WAPL: variants seen among roughly 807,000 people sequenced by gnomAD.
The protein encoded by WAPL is WAPL cohesin release factor.
In WAPL, 5 loss-of-function variants were observed where a neutral mutation model predicts 121.0. That is an observed-to-expected ratio of 0.04 (90% CI 0.02 to 0.09). WAPL has a LOEUF of 0.09. WAPL is among the 10% of genes least tolerant of loss of function. The pLI is 1.00. For synonymous variants in WAPL, 480 were observed against 481.5 expected (o/e 1.00, Z 0.04); for missense variants, 999 against 1,410.8 (o/e 0.71, Z 4.68).
rs555390291 is a variant in WAPL, at chr10:86,519,990, T to C, written c.-23+1375A>G. 3.3e-5 allele frequency among the ~76,000 whole-genome samples: 5 copies of C among 152,330 alleles called. No individual in the cohort carries two copies. The East Asian group carries it at 9.6e-4, about 29-fold the overall frequency. On this transcript the variant is annotated intron_variant, in intron 1 of 18. Transcript: ENST00000298767. ...TGACACTAAGGACTTAATTATTTTA[T>C]GTGATAAAAAATAATTTTGTGCTGG...
chr10:86,521,154 A>G (rs892732165), intron 1 of WAPL, among the ~76,000 whole-genome samples: 1 of 152,264 alleles, frequency 6.6e-6, no homozygotes, highest in African/African-American at 2.4e-5. Context: ...GGGTTTGGGG[A>G]GCTAAGTCAA....
At chr10:86,519,493 T>A (rs555632394) in intron 1 of WAPL, among the ~76,000 whole-genome samples, 1 of 151,068 alleles carries the variant, frequency 6.6e-6, no homozygotes, top group Non-Finnish European at 1.5e-5. Context: ...AATTCAGTAG[T>A]AGACCCCCCC....
intron 2 of WAPL, among the ~76,000 whole-genome samples, chr10:86,516,173 G>A (rs1373928985): frequency 6.6e-6 from 1 of 152,054 alleles, no homozygotes; most frequent in Non-Finnish European, 1.5e-5. Context: ...GGTCCTTTAC[G>A]CTGTTTTTTA....
intron 4 of WAPL, 54 bp downstream of exon 4, chr10:86,497,147 T>A: frequency 7.3e-7 from 1 of 1,377,286 alleles, no homozygotes; most frequent in Non-Finnish European, 1.0e-6. Flanking sequence ...AATTAAGAGT[T>A]GAGCCCTCCA....
chr10:86,493,052 C>T (rs951313870), intron 4 of WAPL, among the ~76,000 whole-genome samples: 7 of 147,496 alleles, frequency 4.7e-5, no homozygotes, highest in Non-Finnish European at 1.0e-4. Flanking sequence ...CAGAGTGAGA[C>T]TCCGTCTCAA....
intron 1 of WAPL, among the ~76,000 whole-genome samples, chr10:86,518,991 AGTT>A (rs1409066993): frequency 4.6e-5 from 7 of 152,194 alleles, no homozygotes; most frequent in Non-Finnish European, 1.0e-4. Flanking sequence ...TCATTTGCTG[AGTT>A]ATATTTTCTG....
chr10:86,510,418 C>G (rs77234041), intron 2 of WAPL, among the ~76,000 whole-genome samples: 10,473 of 152,128 alleles, frequency 0.069, 676 homozygotes, highest in East Asian at 0.38. Flanking sequence ...GGAAAATGCT[C>G]TGAAAAGCAT....
At chr10:86,440,882 GA>G (rs10661246) in intron 17 of WAPL, among the ~76,000 whole-genome samples, 16 of 130,508 alleles carry the variant, frequency 1.2e-4, no homozygotes, top group South Asian at 2.5e-4. Flanking sequence ...TACACAAAGT[GA>G]AAAAAAAAAA....
rs200292807 is a variant in WAPL, at chr10:86,472,783, A to C, written c.1741-19T>G. On this transcript the variant is annotated intron_variant, in intron 5 of 18. Coordinates refer to ENST00000298767, the MANE Select transcript of WAPL (RefSeq NM_015045.5). The surrounding 1 kb of genome is among the most constrained non-coding windows in gnomAD (Gnocchi z 4.2). ...GCCTCACCTATTAATAAAGGTATTAAATTAGTTGTTCTAAATAAATATATA... is the reference window on the plus strand; with the variant it reads ...GCCTCACCTATTAATAAAGGTATTACATTAGTTGTTCTAAATAAATATATA... 3.2e-6 allele frequency: 5 copies of C among 1,585,934 alleles called. No homozygotes were observed. The highest frequency in any genetic ancestry group is 4.3e-6 in the Non-Finnish European group (5 of 1,168,224).
chr10:86,469,386 G>A (rs547513675), intron 8 of WAPL, among the ~76,000 whole-genome samples: 10 of 151,464 alleles, frequency 6.6e-5, no homozygotes, highest in African/African-American at 1.9e-4. Flanking sequence ...CTGAGTGGCT[G>A]GGATTACAGG....
chr10:86,472,508 A>G lies in WAPL; in HGVS notation c.1893+104T>C. ...TAGGACAAAAGAAGTTTGTGGTTCAAAACTGAGTATCAGTATACTGATATT... is the reference window on the plus strand; with the variant it reads ...TAGGACAAAAGAAGTTTGTGGTTCAGAACTGAGTATCAGTATACTGATATT... On this transcript the variant is annotated intron_variant, in intron 6 of 18. Transcript: ENST00000298767. This position sits in a 1 kb window ranked among gnomAD's most constrained non-coding sequence, Gnocchi z 4.2. The G allele has an allele frequency of 2.0e-6, 3 of 1,529,764 alleles. No individual in the cohort carries two copies. Among genetic ancestry groups the G allele is most frequent in the Non-Finnish European group, 2.6e-6 (3 of 1,138,870 alleles). 94.8% of individuals were successfully genotyped at this position (1,529,764 alleles called of 1,614,324 possible). A position where few individuals can be genotyped will look rare whatever the true frequency, so the allele number is the denominator to read the frequency against.
rs113771752 is a variant in WAPL, at chr10:86,520,328, G to A, written c.-23+1037C>T. Among the ~76,000 whole-genome samples, 242 of 152,256 alleles carry A rather than the reference G, an allele frequency of 1.6e-3. 1 individual carries two copies. Among genetic ancestry groups the A allele is most frequent in the African/African-American group, 5.5e-3 (230 of 41,538 alleles). On this transcript the variant is annotated intron_variant, in intron 1 of 18. Coordinates refer to ENST00000298767, the MANE Select transcript of WAPL (RefSeq NM_015045.5). The stretch of plus-strand genomic sequence containing the variant: ...TAATAATAATGATAATAATAATTTT[G>A]TGCCAAAAGACCACGTCTTTTACAA...
rs957027029 is a variant in WAPL at position 86,457,348 on chromosome 10, G to C, written c.2657+1641C>G. Among the ~76,000 whole-genome samples, 9 of 93,846 alleles carry C rather than the reference G, an allele frequency of 9.6e-5. No homozygotes were observed. The East Asian group carries it at 1.9e-3, about 20-fold the overall frequency. 61.6% of individuals were successfully genotyped at this position (93,846 alleles called of 152,430 possible). A position where few individuals can be genotyped will look rare whatever the true frequency, so the allele number is the denominator to read the frequency against. ...CTATTAAAAAAAAAAAAAAAAAAGAGAGTGCTAAATATATATAAAATAGGC... is the reference window on the plus strand; with the variant it reads ...CTATTAAAAAAAAAAAAAAAAAAGACAGTGCTAAATATATATAAAATAGGC... On this transcript the variant is annotated intron_variant, in intron 12 of 18. Transcript: ENST00000298767.
In WAPL at chr10:86,466,512, G is replaced by A. The variant is rs922825059; in HGVS notation, c.2370+767C>T. ...TTGAGCCCAGGGGTTTGAGGCTGCAGTGAGCTATGACTGCACCACCGCATT... is the reference window on the plus strand; with the variant it reads ...TTGAGCCCAGGGGTTTGAGGCTGCAATGAGCTATGACTGCACCACCGCATT... On this transcript the variant is annotated intron_variant, in intron 9 of 18. Transcript: ENST00000298767. 1.2e-4 allele frequency among the ~76,000 whole-genome samples: 18 copies of A among 152,122 alleles called. 1 individual carries two copies. The highest frequency in any genetic ancestry group is 2.4e-4 in the Non-Finnish European group (16 of 68,030).
chr10:86,489,946 A>T (rs1374376104), intron 4 of WAPL, among the ~76,000 whole-genome samples: 1 of 150,528 alleles, frequency 6.6e-6, no homozygotes, highest in Non-Finnish European at 1.5e-5. Flanking sequence ...TTGGCTTGGC[A>T]CGGTGGGAGG....
intron 9 of WAPL, among the ~76,000 whole-genome samples, chr10:86,463,736 G>T (rs1841339002): frequency 6.6e-6 from 1 of 152,146 alleles, no homozygotes; most frequent in South Asian, 2.1e-4. Flanking sequence ...GCAACTTCCA[G>T]TCCTGCAAGC....
At position 86,453,801 on chromosome 10, in the gene WAPL, C is replaced by T. The variant is rs1159757301; in HGVS notation, c.2688G>A (p.Gln896=). ...KALQHCEELI[Q]QYNRAEDSIC... is the part of the protein sequence containing the mutation. ...TGCTGTCCTCAGCACGGTTGTACTG[C>T]TGAATCAGTTCTTCACAATGCTGTA... Residue 896 remains glutamine (Q), a synonymous_variant, in exon 13 of 19, where the codon CAG becomes CAA. Transcript: ENST00000298767. The T allele has an allele frequency of 6.2e-7, 1 of 1,611,716 alleles. No homozygotes were observed. Among genetic ancestry groups the T allele is most frequent in the East Asian group, 2.2e-5 (1 of 44,840 alleles).
chr10:86,439,111 T>C (rs1023564547), intron 17 of WAPL, among the ~76,000 whole-genome samples: 1 of 152,158 alleles, frequency 6.6e-6, no homozygotes, highest in Admixed American at 6.5e-5. Context: ...ATTCGACTTT[T>C]GTTAGCGGGG....
At chr10:86,444,892 C>CAAAAAAAAAAAAAAAAAAAAA (rs35307250) in intron 16 of WAPL, among the ~76,000 whole-genome samples, 3 of 68,194 alleles carry the variant, frequency 4.4e-5, no homozygotes, top group African/African-American at 5.7e-5. Context: ...GTTATTACGC[C>CAAAAAAAAAAAAAAAAAAAAA]AAAAAAAAAA....
Sources: allele counts gnomAD v4.1 joint callset (sites outside exome capture counted in the v4.1 genomes callset), GRCh38; gene constraint gnomAD v4.1.1; non-coding constraint Gnocchi (gnomAD v3.1); transcripts MANE v1.5; gene names NCBI Gene and HGNC (gene_info 2026-07-23, HGNC 2026-07-21).